Variants in FOXN3 observed in about 807,000 individuals in gnomAD.
FOXN3 encodes forkhead box N3, also known as forkhead box protein N3.
A neutral mutation model predicts 38.4 loss-of-function variants in FOXN3; 7 were observed. That is an observed-to-expected ratio of 0.18 (90% CI 0.10 to 0.34). The LOEUF is 0.34. Ranked by LOEUF, FOXN3 falls within the 10% of genes least tolerant of loss-of-function variation. The probability of loss-of-function intolerance (pLI) is 1.00; values close to 1 mark genes in which losing one functional copy is unlikely to be tolerated. For synonymous variants in FOXN3, 230 were observed against 242.2 expected (o/e 0.95, Z 0.47); for missense variants, 456 against 613.4 (o/e 0.74, Z 2.71).
In FOXN3 at chr14:89,528,376, C is replaced by CTTTTTTTT. The variant is rs55935162; in HGVS notation, c.-15+90644_-15+90651dup. Among the ~76,000 whole-genome samples, 302 of 53,578 alleles carry CTTTTTTTT rather than the reference C, an allele frequency of 5.6e-3. 64 individuals carry two copies. Among genetic ancestry groups the CTTTTTTTT allele is most frequent in the East Asian group, 0.016 (20 of 1,290 alleles). The allele number at this position is 53,578 out of a possible 152,430, so 35.1% of individuals were successfully genotyped here. A position where few individuals can be genotyped will look rare whatever the true frequency, so the allele number is the denominator to read the frequency against. On this transcript the variant is annotated intron_variant, in intron 1 of 6. Transcript: ENST00000345097. Reference sequence around the variant, plus strand: ...TCATCCATACTCAACATGGATGAATCTTTTTTTTTTTTTTTTTTTTTTTTT... The same window carrying CTTTTTTTT: ...TCATCCATACTCAACATGGATGAATCTTTTTTTTTTTTTTTTTTTTTTTTTTTTTTTTT...
intron 1 of FOXN3, among the ~76,000 whole-genome samples, chr14:89,615,091 T>G (rs1280404435): frequency 6.7e-6 from 1 of 150,318 alleles, no homozygotes; most frequent in Non-Finnish European, 1.5e-5. Context: ...ATAAACTGGA[T>G]TTAGCCAACC....
intron 1 of FOXN3, among the ~76,000 whole-genome samples, chr14:89,598,770 C>G (rs942540127): frequency 1.3e-5 from 2 of 152,140 alleles, no homozygotes; most frequent in Non-Finnish European, 2.9e-5. Flanking sequence ...TAAGAGGTAC[C>G]CACTCCCCAA....
At chr14:89,545,378 C>A (rs1371777593) in intron 1 of FOXN3, among the ~76,000 whole-genome samples, 1 of 152,208 alleles carries the variant, frequency 6.6e-6, no homozygotes, top group African/African-American at 2.4e-5. Context: ...GACGAGCAAT[C>A]GTGCCCACAT....
In FOXN3 at chr14:89,433,480, T is replaced by TCAAA. The variant is rs763688770; in HGVS notation, c.-14-20994_-14-20991dup. On this transcript the variant is annotated intron_variant, in intron 1 of 6. Coordinates refer to the FOXN3 transcript ENST00000345097. ...CTGGGCGACTAAGCGAGACTCCATCTCAAACAAACAAACAAACAAATAAAT... is the reference window on the plus strand; with the variant it reads ...CTGGGCGACTAAGCGAGACTCCATCTCAAACAAACAAACAAACAAACAAATAAAT... Among the ~76,000 whole-genome samples, 460 of 151,622 alleles carry TCAAA rather than the reference T, an allele frequency of 3.0e-3. 3 individuals are homozygous for TCAAA. The highest frequency in any genetic ancestry group is 0.011 in the African/African-American group (444 of 41,310).
intron 1 of FOXN3, among the ~76,000 whole-genome samples, chr14:89,508,594 A>C (rs1893996697): frequency 6.6e-6 from 1 of 152,200 alleles, no homozygotes; most frequent in Non-Finnish European, 1.5e-5. Context: ...TGCAGGTGAA[A>C]CTACAAGAAA....
chr14:89,534,635 C>G (rs1894646149), intron 1 of FOXN3, among the ~76,000 whole-genome samples: 1 of 152,118 alleles, frequency 6.6e-6, no homozygotes, highest in Non-Finnish European at 1.5e-5. Context: ...TCAAATTTTG[C>G]TGTATATTAA....
intron 1 of FOXN3, among the ~76,000 whole-genome samples, chr14:89,614,854 G>A (rs568520579): frequency 6.6e-6 from 1 of 152,188 alleles, no homozygotes; most frequent in Non-Finnish European, 1.5e-5. Flanking sequence ...AAATGGTTCC[G>A]TCTCCCTCAG....
At chr14:89,495,549 T>C (rs1566675193) in intron 1 of FOXN3, among the ~76,000 whole-genome samples, 2 of 152,196 alleles carry the variant, frequency 1.3e-5, no homozygotes. Context: ...TCTTCAAGTA[T>C]TAGCAGGGCA....
intron 2 of FOXN3, among the ~76,000 whole-genome samples, chr14:89,405,134 TTTG>T (rs541271166): frequency 1.2e-3 from 183 of 152,004 alleles, no homozygotes; most frequent in African/African-American, 4.2e-3. Flanking sequence ...AGTTTCTTTT[TTTG>T]TTGTTGTTTT....
chr14:89,449,514 C>G (rs1892573673), intron 1 of FOXN3, among the ~76,000 whole-genome samples: 1 of 152,208 alleles, frequency 6.6e-6, no homozygotes, highest in Admixed American at 6.5e-5. Context: ...TGTCACACAG[C>G]AAGTCAATCA....
intron 1 of FOXN3, among the ~76,000 whole-genome samples, chr14:89,489,661 C>A (rs1197010202): frequency 2.0e-5 from 3 of 152,158 alleles, no homozygotes; most frequent in Non-Finnish European, 4.4e-5. Context: ...GTAGTTTAGT[C>A]CCAGATGGAC....
chr14:89,608,948 A>G (rs1455505186), intron 1 of FOXN3, among the ~76,000 whole-genome samples: 4 of 152,148 alleles, frequency 2.6e-5, no homozygotes, highest in Non-Finnish European at 5.9e-5. Context: ...AACAAACTGC[A>G]TTTTCTCTGT....
At chr14:89,305,294 C>T (rs1887339132) in intron 3 of FOXN3, among the ~76,000 whole-genome samples, 1 of 152,166 alleles carries the variant, frequency 6.6e-6, no homozygotes, top group African/African-American at 2.4e-5. Flanking sequence ...GTTTCAGAAC[C>T]CATCGTTCAA....
intron 1 of FOXN3, among the ~76,000 whole-genome samples, chr14:89,441,257 G>T (rs1237201191): frequency 6.6e-6 from 1 of 152,064 alleles, no homozygotes. Flanking sequence ...TGTGACTGAA[G>T]AACTCCCCAA....
chr14:89,254,748 A>G (rs986517386), intron 4 of FOXN3, among the ~76,000 whole-genome samples: 40 of 151,988 alleles, frequency 2.6e-4, no homozygotes, highest in African/African-American at 8.9e-4. Context: ...CTGCCTCTGA[A>G]CACTCGTCTC....
chr14:89,541,613 A>C (rs1247838736), intron 1 of FOXN3, among the ~76,000 whole-genome samples: 2 of 152,182 alleles, frequency 1.3e-5, no homozygotes, highest in East Asian at 3.9e-4. Context: ...CAGCCCTCGC[A>C]GCTGCTCTGT....
chr14:89,555,870 T>TGTGTGTGGGGGGGGGG (rs1298517411), intron 1 of FOXN3, among the ~76,000 whole-genome samples: 1 of 117,404 alleles, frequency 8.5e-6, no homozygotes, highest in Admixed American at 1.0e-4. Flanking sequence ...TGTGTGTGTG[T>TGTGTGTGGGGGGGGGG]GTGTGTATGT....
intron 1 of FOXN3, among the ~76,000 whole-genome samples, chr14:89,429,318 C>T (rs1305027876): frequency 1.3e-5 from 2 of 152,216 alleles, no homozygotes; most frequent in African/African-American, 2.4e-5. Flanking sequence ...CTGAAACATC[C>T]TTCTCCCTCC....
intron 4 of FOXN3, among the ~76,000 whole-genome samples, chr14:89,238,384 T>C (rs920794235): frequency 6.6e-6 from 1 of 152,242 alleles, no homozygotes; most frequent in African/African-American, 2.4e-5. Flanking sequence ...ACAAATCTGA[T>C]CTTCAAATTA....
Sources: allele counts gnomAD v4.1 joint callset (sites outside exome capture counted in the v4.1 genomes callset), GRCh38; gene constraint gnomAD v4.1.1; transcripts MANE v1.5; gene names NCBI Gene and HGNC (gene_info 2026-07-23, HGNC 2026-07-21).